The following NRXN3 variants were observed in gnomAD, a reference collection of about 807,000 sequenced individuals.
The protein encoded by NRXN3 is neurexin III.
NRXN3 carries 32 observed loss-of-function variants against 137.6 expected under a neutral mutation model. That is an observed-to-expected ratio of 0.23 (90% confidence interval 0.18 to 0.31). The LOEUF is 0.31. Among genes scored for constraint, NRXN3 ranks in the 10% least tolerant of loss-of-function variants. The pLI, the probability that NRXN3 is intolerant of heterozygous loss-of-function variation, is 1.00. For synonymous variants in NRXN3, 798 were observed against 784.5 expected (o/e 1.02, Z -0.29); for missense variants, 1,574 against 2,062.5 (o/e 0.76, Z 4.59).
chr14:79,094,156 G>A (rs918093847), intron 15 of NRXN3, among the ~76,000 whole-genome samples: 14 of 152,212 alleles, frequency 9.2e-5, no homozygotes, highest in African/African-American at 2.6e-4. Flanking sequence ...GATCTCTGCC[G>A]GGGAGAAATG....
At position 78,526,224 on chromosome 14, in the gene NRXN3, C is replaced by T. The variant is rs115832773; in HGVS notation, c.758-118896C>T. ...TCAACAGCAGAAAAATAGGCTGATA[C>T]GATCAGAAAGGATGCCAGGCCATTG... On this transcript the variant is annotated intron_variant, in intron 4 of 20. Coordinates refer to ENST00000335750, the MANE Select transcript of NRXN3 (RefSeq NM_001330195.2). Among the ~76,000 whole-genome samples the T allele has an allele frequency of 3.2e-4, 48 of 152,306 alleles. 1 individual carries two copies. Among genetic ancestry groups the T allele is most frequent in the African/African-American group, 7.2e-4 (30 of 41,562 alleles).
At chr14:78,891,849 A>G (rs1345803413) in intron 10 of NRXN3, among the ~76,000 whole-genome samples, 1 of 152,036 alleles carries the variant, frequency 6.6e-6, no homozygotes, top group Non-Finnish European at 1.5e-5. Flanking sequence ...TATATACACA[A>G]ACATACATGA....
chr14:78,824,734 C>T (rs2098961369), intron 10 of NRXN3, among the ~76,000 whole-genome samples: 1 of 151,886 alleles, frequency 6.6e-6, no homozygotes, highest in South Asian at 2.1e-4. Flanking sequence ...AATGTGATTC[C>T]AAAACAATCT....
chr14:79,132,590 T>C (rs1426248071), intron 15 of NRXN3, among the ~76,000 whole-genome samples: 1 of 152,236 alleles, frequency 6.6e-6, no homozygotes, highest in Non-Finnish European at 1.5e-5. Context: ...ATTATATTCC[T>C]CTTGGACTGT....
chr14:78,557,139 G>A (rs2096746350), intron 4 of NRXN3, among the ~76,000 whole-genome samples: 1 of 150,158 alleles, frequency 6.7e-6, no homozygotes, highest in East Asian at 2.0e-4. Context: ...TAACTTCCCA[G>A]GCTCAAGAAA....
chr14:78,549,856 T>G (rs1243807417), intron 4 of NRXN3, among the ~76,000 whole-genome samples: 2 of 152,112 alleles, frequency 1.3e-5, no homozygotes, highest in African/African-American at 4.8e-5. Flanking sequence ...GGCCTACTCC[T>G]TCCTTTTCTC....
At chr14:78,588,053 G>A (rs2097083518) in intron 4 of NRXN3, among the ~76,000 whole-genome samples, 1 of 152,106 alleles carries the variant, frequency 6.6e-6, no homozygotes, top group Non-Finnish European at 1.5e-5. Context: ...AAACATAATA[G>A]TAAATAAATG....
chr14:78,537,153 C>G (rs901028187), intron 4 of NRXN3, among the ~76,000 whole-genome samples: 12 of 152,172 alleles, frequency 7.9e-5, no homozygotes, highest in African/African-American at 2.9e-4. Context: ...AATCATAATT[C>G]TAGTTCTAGA....
At chr14:78,210,510 A>G (rs1489448201) in intron 1 of NRXN3, among the ~76,000 whole-genome samples, 1 of 152,190 alleles carries the variant, frequency 6.6e-6, no homozygotes, top group Non-Finnish European at 1.5e-5. Context: ...GTTTCCAAAA[A>G]TTTGTTTGAG....
rs1325305189 is a variant in NRXN3, at chr14:78,857,563, A to G, written c.2275+47219A>G. 3.3e-5 allele frequency among the ~76,000 whole-genome samples: 5 copies of G among 152,196 alleles called. No individual in the cohort carries two copies. The East Asian group carries it at 9.6e-4, about 29-fold the overall frequency. On this transcript the variant is annotated intron_variant, in intron 10 of 20. Transcript: ENST00000335750. ...GTGTTTGTGTGTGCGTGTAATTTATATCCATAAATATGCATCTACTATGTG... is the reference window on the plus strand; with the variant it reads ...GTGTTTGTGTGTGCGTGTAATTTATGTCCATAAATATGCATCTACTATGTG...
intron 15 of NRXN3, among the ~76,000 whole-genome samples, chr14:79,225,907 G>C (rs78491393): frequency 6.6e-6 from 1 of 151,908 alleles, no homozygotes; most frequent in African/African-American, 2.4e-5. Context: ...CCTTTCTTCC[G>C]TCTTCAAAGC....
chr14:79,580,436 T>G (rs1016579899), intron 16 of NRXN3, among the ~76,000 whole-genome samples: 1 of 76,562 alleles, frequency 1.3e-5, no homozygotes, highest in African/African-American at 1.6e-4. Context: ...AAAGATTATG[T>G]TTTTTTTTTT....
chr14:79,493,232 T>C (rs1019326513), intron 16 of NRXN3, among the ~76,000 whole-genome samples: 2 of 152,242 alleles, frequency 1.3e-5, no homozygotes. Context: ...CCTAAGAAAG[T>C]GCTGGGGCTT....
intron 10 of NRXN3, among the ~76,000 whole-genome samples, chr14:78,944,277 G>A (rs555353062): frequency 6.6e-6 from 1 of 152,126 alleles, no homozygotes; most frequent in Non-Finnish European, 1.5e-5. Flanking sequence ...CACTGGACTG[G>A]GAGTCAGATC....
chr14:79,740,245 C>G (rs542432738), intron 19 of NRXN3, among the ~76,000 whole-genome samples: 3 of 152,110 alleles, frequency 2.0e-5, no homozygotes, highest in African/African-American at 7.2e-5. Flanking sequence ...GCACTAATCT[C>G]TCTTCTGAAG....
At chr14:79,752,524 G>A (rs1281529583) in intron 19 of NRXN3, among the ~76,000 whole-genome samples, 1 of 152,044 alleles carries the variant, frequency 6.6e-6, no homozygotes, top group African/African-American at 2.4e-5. Context: ...TATGCAGAAA[G>A]CAGAAACTGG....
At chr14:79,116,527 G>A (rs1164255968) in intron 15 of NRXN3, among the ~76,000 whole-genome samples, 6 of 152,210 alleles carry the variant, frequency 3.9e-5, no homozygotes, top group Admixed American at 6.5e-5. Flanking sequence ...GCAGGGAGGT[G>A]TGAAGTTTGG....
chr14:79,574,528 T>C (rs2097646934), intron 16 of NRXN3, among the ~76,000 whole-genome samples: 1 of 152,158 alleles, frequency 6.6e-6, no homozygotes, highest in Middle Eastern at 3.2e-3. Context: ...AAATCATTAT[T>C]GTATCATTAT....
At position 78,323,024 on chromosome 14, in the gene NRXN3, C is replaced by T. The variant is rs1317263887; in HGVS notation, c.757+25164C>T. Reference sequence around the variant, plus strand: ...CTTACTCCTTATGGCCACCATAATGCCTCTACAAATAAAGGCTTGATGTTA... The same window carrying T: ...CTTACTCCTTATGGCCACCATAATGTCTCTACAAATAAAGGCTTGATGTTA... On this transcript the variant is annotated intron_variant, in intron 4 of 20. Coordinates refer to ENST00000335750, the MANE Select transcript of NRXN3 (RefSeq NM_001330195.2). Among the ~76,000 whole-genome samples, 3 of 152,000 alleles carry T rather than the reference C, an allele frequency of 2.0e-5. No homozygotes were observed. In the East Asian group the frequency reaches 5.8e-4, roughly 29 times the overall value.
Sources: gnomAD v4.1 joint callset for allele counts (sites outside exome capture counted in the v4.1 genomes callset) on GRCh38, gnomAD v4.1.1 for gene constraint, MANE v1.5 for transcripts, NCBI Gene and HGNC (gene_info 2026-07-23, HGNC 2026-07-21) for gene names.